LRIG1: variants seen among roughly 807,000 people sequenced by gnomAD.
The protein encoded by LRIG1 is leucine rich repeats and immunoglobulin like domains 1, also known as leucine-rich repeats and immunoglobulin-like domains protein 1.
In LRIG1, 48 loss-of-function variants were observed where a neutral mutation model predicts 99.2. The ratio of observed to expected loss-of-function variants is 0.48; its 90% CI spans 0.38 to 0.62. The LOEUF is 0.62. LRIG1 is among the 20% of genes least tolerant of loss of function. LRIG1 has a pLI of 0.00. For missense variants in LRIG1, 1,646 were observed against 1,434.4 expected (o/e 1.15, Z -2.38); for synonymous variants, 772 against 596.1 (o/e 1.29, Z -4.30).
chr3:66,383,207 C>G lies in LRIG1; in HGVS notation c.2266G>C (p.Glu756Gln), dbSNP rs779359924. The G allele has an allele frequency of 4.3e-6, 7 of 1,614,260 alleles. No individual in the cohort carries two copies. The South Asian group carries it at 7.7e-5, about 18-fold the overall frequency. Residue 756 changes from glutamate to glutamine, a missense_variant, in exon 15 of 19, where the codon GAG (glutamate) becomes CAG (glutamine). Physicochemically the swap from Glu to Gln is conservative, Grantham distance 29. Transcript: ENST00000273261. Reference protein sequence around the residue: ...QLLVVQNVVAEDAGRYTCEMS... With the variant: ...QLLVVQNVVAQDAGRYTCEMS... ...TCACAGGTATATCGGCCCGCATCCTCTGCCACCACGTTCTGAACCACCAGG... is the reference window on the plus strand; with the variant it reads ...TCACAGGTATATCGGCCCGCATCCTGTGCCACCACGTTCTGAACCACCAGG...
At chr3:66,456,976 G>C (rs1488286869) in intron 2 of LRIG1, among the ~76,000 whole-genome samples, 3 of 152,238 alleles carry the variant, frequency 2.0e-5, no homozygotes, top group Admixed American at 1.3e-4. Context: ...GCTGTGGGCA[G>C]TGAAGACCGT....
rs1343518002 is a variant in LRIG1 at position 66,383,358 on chromosome 3, A to C, written c.2115T>G (p.Ser705=). 6.3e-7 allele frequency: 1 copy of C among 1,585,496 alleles called. No individual in the cohort carries two copies. Among genetic ancestry groups the C allele is most frequent in the African/African-American group, 1.3e-5 (1 of 74,608 alleles). The part of the protein sequence containing the change: ...LVVPLEDRVV[S]VGETVALQCK... ...ATTGGAGGGCCACTGTTTCTCCCAC[A>C]GATACCACACGGTCTTCCAAGGGGA... Residue 705 remains serine, a synonymous_variant, in exon 15 of 19, where the codon TCT becomes TCG. Transcript: ENST00000273261.
intron 7 of LRIG1, 86 bp from the exon 8 acceptor site, chr3:66,407,577 G>A (rs1228802573): frequency 1.3e-6 from 2 of 1,483,102 alleles, no homozygotes; most frequent in Non-Finnish European, 1.9e-6. Flanking sequence ...ACAGTCAGCT[G>A]GGTTTCAGTG....
intron 3 of LRIG1, among the ~76,000 whole-genome samples, chr3:66,428,992 A>T (rs1251624780): frequency 6.6e-6 from 1 of 152,224 alleles, no homozygotes; most frequent in African/African-American, 2.4e-5. Flanking sequence ...TGGATAAAAA[A>T]CAAGAGCAGC....
At chr3:66,460,410 T>C (rs1027207131) in intron 2 of LRIG1, among the ~76,000 whole-genome samples, 2 of 152,170 alleles carry the variant, frequency 1.3e-5, no homozygotes, top group African/African-American at 4.8e-5. Flanking sequence ...TGAACTGTGT[T>C]CCCCTAGGGT....
chr3:66,381,996 G>C (rs9867825), intron 16 of LRIG1, among the ~76,000 whole-genome samples: 1,711 of 152,282 alleles, frequency 0.011, 30 homozygotes, highest in African/African-American at 0.038. Flanking sequence ...GCACCGTAAT[G>C]CCCTTTCCAG....
chr3:66,407,548 C>G (rs1169616527), intron 7 of LRIG1, 57 bp from the exon 8 acceptor site: 1 of 1,595,090 alleles, frequency 6.3e-7, no homozygotes, highest in Non-Finnish European at 8.6e-7. Context: ...CCCAACCCCA[C>G]CCCACCGGAA....
intron 3 of LRIG1, among the ~76,000 whole-genome samples, chr3:66,440,213 A>G (rs1214353971): frequency 2.6e-5 from 4 of 152,144 alleles, no homozygotes; most frequent in Admixed American, 1.3e-4. Flanking sequence ...GCCTGGGCCC[A>G]ACACTCACCC....
At chr3:66,418,843 C>G (rs111973506) in intron 3 of LRIG1, among the ~76,000 whole-genome samples, 88 of 152,100 alleles carry the variant, frequency 5.8e-4, no homozygotes, top group African/African-American at 1.8e-3. Flanking sequence ...GCCCTGAACT[C>G]GAAAGTCCAT....
At chr3:66,401,991 CCACA>C (rs1447863088) in intron 9 of LRIG1, among the ~76,000 whole-genome samples, 1 of 152,142 alleles carries the variant, frequency 6.6e-6, no homozygotes, top group Non-Finnish European at 1.5e-5. Flanking sequence ...CGCTTCCCAC[CCACA>C]CACACAATGA....
intron 12 of LRIG1, among the ~76,000 whole-genome samples, chr3:66,393,825 G>C (rs1701720649): frequency 6.6e-6 from 1 of 152,168 alleles, no homozygotes; most frequent in Admixed American, 6.5e-5. Context: ...ACTCCCTTCT[G>C]ATTAAATGCA....
chr3:66,448,149 A>G (rs1443263900), intron 3 of LRIG1, among the ~76,000 whole-genome samples: 1 of 152,232 alleles, frequency 6.6e-6, no homozygotes, highest in Non-Finnish European at 1.5e-5. Context: ...CTTTAATCAG[A>G]AAGTATTAAC....
intron 3 of LRIG1, among the ~76,000 whole-genome samples, chr3:66,424,480 C>T (rs1455342065): frequency 1.3e-5 from 2 of 152,222 alleles, no homozygotes; most frequent in Non-Finnish European, 2.9e-5. Context: ...GGCATTCCAC[C>T]TTCAGGAAAC....
At chr3:66,408,038 C>T (rs1702335626) in intron 7 of LRIG1, among the ~76,000 whole-genome samples, 1 of 152,202 alleles carries the variant, frequency 6.6e-6, no homozygotes, top group African/African-American at 2.4e-5. Context: ...TCAGGCCTCC[C>T]TGCCCCCATC....
chr3:66,495,559 GGAAAA>G (rs1314809113), intron 1 of LRIG1, among the ~76,000 whole-genome samples: 1 of 152,182 alleles, frequency 6.6e-6, no homozygotes, highest in Non-Finnish European at 1.5e-5. Flanking sequence ...AAACAAACGA[GGAAAA>G]GAAGAAAGAA....
chr3:66,426,494 C>T (rs888145457), intron 3 of LRIG1, among the ~76,000 whole-genome samples: 3 of 152,196 alleles, frequency 2.0e-5, no homozygotes, highest in African/African-American at 2.4e-5. Flanking sequence ...TTCTCTACCT[C>T]GTTTAACCAC....
intron 3 of LRIG1, among the ~76,000 whole-genome samples, chr3:66,433,270 A>C (rs1269174428): frequency 6.6e-6 from 1 of 152,246 alleles, no homozygotes; most frequent in Non-Finnish European, 1.5e-5. Flanking sequence ...AAGCATAGGT[A>C]TCCTCTGACT....
At chr3:66,497,354 C>G (rs544997374) in intron 1 of LRIG1, among the ~76,000 whole-genome samples, 2 of 152,290 alleles carry the variant, frequency 1.3e-5, no homozygotes, top group East Asian at 3.9e-4. Flanking sequence ...GCCATGCTCT[C>G]AAAAATAATT....
At chr3:66,473,902 T>C (rs1700658254) in intron 1 of LRIG1, among the ~76,000 whole-genome samples, 1 of 152,204 alleles carries the variant, frequency 6.6e-6, no homozygotes, top group Non-Finnish European at 1.5e-5. Context: ...ATGAAATGCT[T>C]AGCTAAAGCC....
Sources: gnomAD v4.1 joint callset for allele counts (sites outside exome capture counted in the v4.1 genomes callset) on GRCh38, gnomAD v4.1.1 for gene constraint, MANE v1.5 for transcripts, NCBI Gene and HGNC (gene_info 2026-07-23, HGNC 2026-07-21) for gene names.